Variants in CNTNAP4 observed in about 807,000 individuals in gnomAD.
CNTNAP4 encodes the protein contactin-associated protein-like 4.
CNTNAP4 carries 98 observed loss-of-function variants against 148.4 expected under a neutral mutation model. That is an observed-to-expected ratio of 0.66 (90% CI 0.56 to 0.78). CNTNAP4 has a LOEUF of 0.78. Among genes scored for constraint, CNTNAP4 ranks in the 30% least tolerant of loss-of-function variants. The probability of loss-of-function intolerance (pLI) is 0.00; values close to 1 mark genes in which losing one functional copy is unlikely to be tolerated. For synonymous variants in CNTNAP4, 730 were observed against 565.1 expected (o/e 1.29, Z -4.14); for missense variants, 1,935 against 1,565.6 (o/e 1.24, Z -3.98).
At chr16:76,464,639 TC>T (rs2143459860) in intron 9 of CNTNAP4, among the ~76,000 whole-genome samples, 1 of 152,326 alleles carries the variant, frequency 6.6e-6, no homozygotes, top group African/African-American at 2.4e-5. Flanking sequence ...ACTGCAAGTT[TC>T]CAGTTATTTT....
intron 3 of CNTNAP4, among the ~76,000 whole-genome samples, chr16:76,396,471 A>G (rs757015474): frequency 6.6e-6 from 1 of 152,226 alleles, no homozygotes; most frequent in Non-Finnish European, 1.5e-5. Context: ...GCTGTTACTC[A>G]TGCTAACCAA....
intron 3 of CNTNAP4, among the ~76,000 whole-genome samples, chr16:76,377,434 G>C (rs955035698): frequency 1.3e-5 from 2 of 152,136 alleles, no homozygotes; most frequent in Non-Finnish European, 2.9e-5. Context: ...GAGTCGGAAA[G>C]ATTCAGTGGT....
chr16:76,486,749 A>T (rs2082044024), intron 12 of CNTNAP4, among the ~76,000 whole-genome samples: 1 of 152,186 alleles, frequency 6.6e-6, no homozygotes, highest in Non-Finnish European at 1.5e-5. Flanking sequence ...TTCCAGAGCC[A>T]AAGTCTCTCT....
In CNTNAP4 at chr16:76,489,736, A is replaced by G; in HGVS notation, c.1933A>G (p.Arg645Gly). The change falls in exon 13 of 24, where the codon AGA becomes GGA. Residue 645 changes from arginine (R) to glycine (G), a missense_variant. Coordinates refer to ENST00000611870, the MANE Select transcript of CNTNAP4 (RefSeq NM_033401.5). ...CAACGGCTCTGACTTAACAAGAGTC[A>G]GAAATACTAATCCAGAGAACCCATA... ...QHNGSDLTRV[R>G]NTNPENPYAG... The G allele has an allele frequency of 1.2e-6, 2 of 1,605,356 alleles. No individual in the cohort carries two copies. The highest frequency in any genetic ancestry group is 1.7e-6 in the Non-Finnish European group (2 of 1,175,392).
chr16:76,317,580 T>C (rs981803108), intron 2 of CNTNAP4, among the ~76,000 whole-genome samples: 1 of 152,210 alleles, frequency 6.6e-6, no homozygotes, highest in Non-Finnish European at 1.5e-5. Context: ...TGTTTTTGGT[T>C]CTCCCATTTA....
rs193174481 is a variant in CNTNAP4, at chr16:76,290,442, A to G, written c.85+12695A>G. ...AAGGATCTGTCACTTTCATCTTAAC[A>G]ACAAGCCCCTTTTGATTAGTCGGAG... On this transcript the variant is annotated intron_variant, in intron 1 of 23. Coordinates refer to ENST00000611870, the MANE Select transcript of CNTNAP4 (RefSeq NM_033401.5). 1.9e-3 allele frequency among the ~76,000 whole-genome samples: 285 copies of G among 152,268 alleles called. 2 individuals are homozygous for G. Among genetic ancestry groups the G allele is most frequent in the African/African-American group, 5.9e-3 (246 of 41,552 alleles).
At chr16:76,399,757 A>G (rs534283692) in intron 3 of CNTNAP4, among the ~76,000 whole-genome samples, 30 of 152,358 alleles carry the variant, frequency 2.0e-4, no homozygotes, top group African/African-American at 6.5e-4. Flanking sequence ...GCTGTATTAA[A>G]ACTTTGATGC....
At chr16:76,292,289 G>A (rs535145734) in intron 1 of CNTNAP4, among the ~76,000 whole-genome samples, 1 of 152,218 alleles carries the variant, frequency 6.6e-6, no homozygotes, top group African/African-American at 2.4e-5. Context: ...AGAATTTATG[G>A]CACTTAAAGA....
intron 1 of CNTNAP4, among the ~76,000 whole-genome samples, chr16:76,293,838 A>AAAAC (rs1959179772): frequency 6.7e-6 from 1 of 150,054 alleles, no homozygotes; most frequent in Admixed American, 6.6e-5. Context: ...TTTTTTTTAA[A>AAAAC]AAAAAGGATA....
At chr16:76,518,325 A>C (rs2083327700) in intron 15 of CNTNAP4, among the ~76,000 whole-genome samples, 1 of 151,906 alleles carries the variant, frequency 6.6e-6, no homozygotes, top group South Asian at 2.1e-4. Context: ...ACAGGGTTTC[A>C]CCATGTTGTT....
intron 3 of CNTNAP4, among the ~76,000 whole-genome samples, chr16:76,369,955 G>A (rs1407431419): frequency 6.6e-6 from 1 of 152,140 alleles, no homozygotes; most frequent in African/African-American, 2.4e-5. Flanking sequence ...GGTGAGGGCA[G>A]GTCTCTTTAC....
chr16:76,364,177 C>T (rs74487453), intron 3 of CNTNAP4, among the ~76,000 whole-genome samples: 10,708 of 120,714 alleles, frequency 0.089, 545 homozygotes, highest in Middle Eastern at 0.21. Flanking sequence ...GTGGAGGTTG[C>T]GGTGAGCTGA....
At chr16:76,327,640 T>C (rs1963124913) in intron 2 of CNTNAP4, among the ~76,000 whole-genome samples, 3 of 152,236 alleles carry the variant, frequency 2.0e-5, no homozygotes, top group African/African-American at 7.2e-5. Flanking sequence ...TCCCTGTAGC[T>C]TCTTGCCCTA....
intron 3 of CNTNAP4, among the ~76,000 whole-genome samples, chr16:76,419,297 G>C (rs1597476804): frequency 6.6e-6 from 1 of 151,930 alleles, no homozygotes; most frequent in Admixed American, 6.6e-5. Flanking sequence ...CCCCCCAGTT[G>C]GGAGAGGTTC....
intron 11 of CNTNAP4, 36 bp from the exon 12 acceptor site, chr16:76,479,383 A>T: frequency 6.5e-7 from 1 of 1,538,222 alleles, no homozygotes; most frequent in South Asian, 1.3e-5. Context: ...GATTCATTTC[A>T]TGCTATTCCA....
intron 2 of CNTNAP4, among the ~76,000 whole-genome samples, chr16:76,345,901 T>C (rs1010131693): frequency 1.3e-5 from 2 of 152,154 alleles, no homozygotes; most frequent in African/African-American, 4.8e-5. Flanking sequence ...ATGTTAAAGC[T>C]GTCTTCATCA....
At chr16:76,316,195 T>C in intron 1 of CNTNAP4, 1 of 588,700 alleles carries the variant, frequency 1.7e-6, no homozygotes, top group South Asian at 2.2e-5. Flanking sequence ...AATTTTATGA[T>C]TTTTAAAGTA....
At chr16:76,288,285 A>G (rs932750258) in intron 1 of CNTNAP4, among the ~76,000 whole-genome samples, 1 of 152,112 alleles carries the variant, frequency 6.6e-6, no homozygotes, top group Non-Finnish European at 1.5e-5. Flanking sequence ...GCCATGCAGA[A>G]CAGTGAGTCA....
intron 16 of CNTNAP4, 135 bp downstream of exon 16, chr16:76,521,445 A>G (rs1289764080): frequency 3.2e-6 from 2 of 626,102 alleles, no homozygotes; most frequent in African/African-American, 3.8e-5. Context: ...AAACTCAATA[A>G]TATTAACTTA....
Sources: allele counts gnomAD v4.1 joint callset (sites outside exome capture counted in the v4.1 genomes callset), GRCh38; gene constraint gnomAD v4.1.1; transcripts MANE v1.5; gene names NCBI Gene and HGNC (gene_info 2026-07-23, HGNC 2026-07-21).